RAB18: variants seen among roughly 807,000 people sequenced by gnomAD.
RAB18 encodes ras-related protein Rab-18.
In RAB18, 10 loss-of-function variants were observed where a neutral mutation model predicts 28.5. That is an observed-to-expected ratio of 0.35 (90% CI 0.22 to 0.60). RAB18 has a LOEUF of 0.60. Among genes scored for constraint, RAB18 ranks in the 20% least tolerant of loss-of-function variants. The probability of loss-of-function intolerance (pLI) is 0.78; values close to 1 mark genes in which losing one functional copy is unlikely to be tolerated. For synonymous variants in RAB18, 93 were observed against 86.9 expected (o/e 1.07, Z -0.39); for missense variants, 188 against 244.2 (o/e 0.77, Z 1.53).
At chr10:27,530,592 A>G (rs1182926242) in intron 3 of RAB18, among the ~76,000 whole-genome samples, 3 of 151,802 alleles carry the variant, frequency 2.0e-5, no homozygotes, top group African/African-American at 7.2e-5. Context: ...TCTCATAATG[A>G]TTTGTCATTT....
chr10:27,524,157 T>A (rs1834626974), intron 2 of RAB18, among the ~76,000 whole-genome samples: 1 of 152,352 alleles, frequency 6.6e-6, no homozygotes, highest in South Asian at 2.1e-4. Context: ...CTTAAACTCC[T>A]GGCCTCAAGC....
At chr10:27,508,186 AG>A (rs1270157921) in intron 1 of RAB18, among the ~76,000 whole-genome samples, 1 of 152,228 alleles carries the variant, frequency 6.6e-6, no homozygotes, top group Admixed American at 6.5e-5. Flanking sequence ...TTGGGCTACC[AG>A]GGTACCCCTG....
At chr10:27,532,741 TTTTGA>T (rs1304785659) in intron 4 of RAB18, among the ~76,000 whole-genome samples, 162 bp downstream of exon 4, 5 of 152,050 alleles carry the variant, frequency 3.3e-5, no homozygotes, top group Non-Finnish European at 5.9e-5. Context: ...ATATTAAAAC[TTTTGA>T]TTTTAGTCTT....
rs765168595 is a variant in RAB18 at position 27,533,921 on chromosome 10, A to ATT, written c.379-4_379-3dup. 6.2e-7 allele frequency: 1 copy of ATT among 1,610,330 alleles called. No homozygotes were observed. The highest frequency in any genetic ancestry group is 8.5e-7 in the Non-Finnish European group (1 of 1,176,634). On this transcript the variant is annotated splice_region_variant and splice_polypyrimidine_tract_variant and intron_variant, in intron 5 of 6. Coordinates refer to ENST00000356940, the MANE Select transcript of RAB18 (RefSeq NM_021252.5). ...AGCCTTTCTTAATCATTGCATTTATATTTTAGGAAAATCGTGAAGTCGATA... is the reference window on the plus strand; with the variant it reads ...AGCCTTTCTTAATCATTGCATTTATATTTTTTAGGAAAATCGTGAAGTCGATA...
In RAB18 at chr10:27,538,809, A is replaced by T. The variant is rs10508722; in HGVS notation, c.*758A>T. ...TTTCCCCCATTTTGGTTTCAGGAGG[A>T]CATGAATAGTGTGTTTATTGTAACT... On this transcript the variant is annotated 3_prime_UTR_variant, in exon 7 of 7. Transcript: ENST00000356940. The T allele has an allele frequency of 0.011, 4,930 of 454,044 alleles. 231 individuals carry two copies. The East Asian group carries it at 0.16, about 15-fold the overall frequency. 28.1% of individuals were successfully genotyped at this position (454,044 alleles called of 1,614,324 possible).
chr10:27,524,917 C>T (rs1050304971), intron 2 of RAB18, among the ~76,000 whole-genome samples: 15 of 152,096 alleles, frequency 9.9e-5, no homozygotes, highest in African/African-American at 3.6e-4. Context: ...GATTAGGTGC[C>T]CCTTCAGGCT....
chr10:27,515,575 A>G (rs1414466759), intron 2 of RAB18, among the ~76,000 whole-genome samples: 1 of 152,096 alleles, frequency 6.6e-6, no homozygotes, highest in Admixed American at 6.6e-5. Flanking sequence ...TTTCAAAAAT[A>G]CCTATGACTT....
At chr10:27,512,675 G>A (rs1020255381) in intron 2 of RAB18, among the ~76,000 whole-genome samples, 1 of 152,116 alleles carries the variant, frequency 6.6e-6, no homozygotes, top group Non-Finnish European at 1.5e-5. Context: ...ACCTGCCTGA[G>A]TACGTATTGG....
intron 3 of RAB18, chr10:27,531,679 G>A (rs1479903099): frequency 1.4e-6 from 1 of 714,358 alleles, no homozygotes; most frequent in Non-Finnish European, 2.6e-6. Flanking sequence ...GGTGGGCTGA[G>A]CTGCTTTGTA....
chr10:27,531,461 A>G (rs1834786292), intron 3 of RAB18: 1 of 1,504,824 alleles, frequency 6.6e-7, no homozygotes, highest in Non-Finnish European at 8.9e-7. Flanking sequence ...ACAAACCCTC[A>G]TTTACAGCAG....
intron 3 of RAB18, among the ~76,000 whole-genome samples, chr10:27,528,477 A>G (rs553223912): frequency 6.6e-6 from 1 of 152,276 alleles, no homozygotes; most frequent in South Asian, 2.1e-4. Flanking sequence ...ATACCACTAT[A>G]CATACCAGTA....
chr10:27,533,732 C>A lies in RAB18; in HGVS notation c.260-3C>A. ...ATTTAACAAATGACTCCTTTTATTT[C>A]AGTTTATGATGTCACAAGAAGAGAT... On this transcript the variant is annotated splice_polypyrimidine_tract_variant and splice_region_variant and intron_variant, in intron 4 of 6. Transcript: ENST00000356940. 6.2e-7 allele frequency: 1 copy of A among 1,612,624 alleles called. No individual in the cohort carries two copies. Among genetic ancestry groups the A allele is most frequent in the South Asian group, 1.1e-5 (1 of 90,880 alleles).
At chr10:27,523,737 T>G (rs1267165323) in intron 2 of RAB18, among the ~76,000 whole-genome samples, 3 of 151,376 alleles carry the variant, frequency 2.0e-5, no homozygotes, top group Admixed American at 1.3e-4. Flanking sequence ...CTCAGCCTCC[T>G]GAGAAGCTGG....
chr10:27,528,342 TA>T, intron 3 of RAB18: 1 of 488,110 alleles, frequency 2.0e-6, no homozygotes, highest in South Asian at 1.5e-5. Context: ...GCTGTAAGAA[TA>T]ATACAGGGTC....
chr10:27,504,357 G>A lies in RAB18; in HGVS notation c.-13G>A. On this transcript the variant is annotated 5_prime_UTR_variant, in exon 1 of 7. Transcript: ENST00000356940. ...CGGGCGGCCAGCTGGGCTCGGAGCG[G>A]AACGGGGTCAGGATGGACGAGGACG... 1 of 1,571,524 alleles carries A rather than the reference G, an allele frequency of 6.4e-7. No individual in the cohort carries two copies. Among genetic ancestry groups the A allele is most frequent in the Non-Finnish European group, 8.6e-7 (1 of 1,159,018 alleles).
At chr10:27,510,432 G>A in intron 2 of RAB18, 1 of 168,114 alleles carries the variant, frequency 5.9e-6, no homozygotes, top group Admixed American at 5.7e-5. Context: ...ATTGTTAGGA[G>A]CAATGATACT....
At chr10:27,505,707 G>T (rs1034166223) in intron 1 of RAB18, among the ~76,000 whole-genome samples, 1 of 152,068 alleles carries the variant, frequency 6.6e-6, no homozygotes, top group Non-Finnish European at 1.5e-5. Flanking sequence ...CTACAGGCGC[G>T]CACTATCATG....
intron 2 of RAB18, among the ~76,000 whole-genome samples, chr10:27,513,584 C>T (rs1834371021): frequency 6.6e-6 from 1 of 152,028 alleles, no homozygotes; most frequent in Non-Finnish European, 1.5e-5. Context: ...TAGCTAAAAA[C>T]AACAAAGAGA....
Position 27,504,533 on chromosome 10 carries a change from G to A in RAB18, c.68+96G>A. ...GCCGCGACGGGAACTGTAAACTGCAGCGGCGGGCTCGGGCCGGCTCCGCTC... is the reference window on the plus strand; with the variant it reads ...GCCGCGACGGGAACTGTAAACTGCAACGGCGGGCTCGGGCCGGCTCCGCTC... On this transcript the variant is annotated intron_variant, in intron 1 of 6. Transcript: ENST00000356940. 11 of 1,405,660 alleles carry A rather than the reference G, an allele frequency of 7.8e-6. 1 individual carries two copies. The highest frequency in any genetic ancestry group is 1.1e-5 in the Non-Finnish European group (11 of 1,016,460). The allele number at this position is 1,405,660 out of a possible 1,614,324, so 87.1% of individuals were successfully genotyped here.
Sources: gnomAD v4.1 joint callset for allele counts (sites outside exome capture counted in the v4.1 genomes callset) on GRCh38, gnomAD v4.1.1 for gene constraint, MANE v1.5 for transcripts, NCBI Gene and HGNC (gene_info 2026-07-23, HGNC 2026-07-21) for gene names.